The following SMYD4 variants were observed in gnomAD, a reference collection of about 807,000 sequenced individuals.
SMYD4 encodes the protein protein-lysine N-methyltransferase SMYD4.
In SMYD4, 68 loss-of-function variants were observed where a neutral mutation model predicts 72.8. That is an observed-to-expected ratio of 0.93 (90% CI 0.77 to 1.14). The LOEUF (loss-of-function observed/expected upper bound fraction) is 1.14. Among genes scored for constraint, SMYD4 ranks in the 50% most tolerant of loss-of-function variants. The pLI, the probability that SMYD4 is intolerant of heterozygous loss-of-function variation, is 0.00. For synonymous variants in SMYD4, 407 were observed against 388.6 expected, an observed-to-expected ratio of 1.05 and a Z score of -0.56; for missense variants, 984 against 1,003.7, an observed-to-expected ratio of 0.98 and a Z score of 0.27.
intron 3 of SMYD4, among the ~76,000 whole-genome samples, chr17:1,806,829 A>G (rs1910057653): frequency 1.3e-5 from 2 of 152,200 alleles, no homozygotes; most frequent in South Asian, 4.1e-4. Flanking sequence ...TCTTCTAGGA[A>G]TTAATCCTAC....
At chr17:1,826,491 C>CAAAAAAAAAAAAAAAAAAAAAAAAAAA (rs111636314) in intron 2 of SMYD4, among the ~76,000 whole-genome samples, 1 of 103,118 alleles carries the variant, frequency 9.7e-6, no homozygotes, top group African/African-American at 3.2e-5. Flanking sequence ...AAACTCTGTC[C>CAAAAAAAAAAAAAAAAAAAAAAAAAAA]AAAAAAAAAA....
intron 2 of SMYD4, among the ~76,000 whole-genome samples, chr17:1,815,009 C>T (rs1301026853): frequency 1.3e-5 from 2 of 151,826 alleles, no homozygotes; most frequent in African/African-American, 2.4e-5. Context: ...TTGTGGTAAA[C>T]AGTAATAATA....
At chr17:1,806,099 T>C (rs992832121) in intron 3 of SMYD4, among the ~76,000 whole-genome samples, 12 of 151,838 alleles carry the variant, frequency 7.9e-5, no homozygotes, top group African/African-American at 2.9e-4. Context: ...CAATTTTTTG[T>C]ATTTTTTAGT....
chr17:1,827,325 C>T (rs1386975706), intron 2 of SMYD4, among the ~76,000 whole-genome samples: 2 of 145,208 alleles, frequency 1.4e-5, no homozygotes, highest in Admixed American at 7.1e-5. Flanking sequence ...GGTGACAGAG[C>T]GAGACAGTCT....
rs1567771007 is a variant in SMYD4, at chr17:1,794,085, A to ATATATATATGCGTATATATATGTG, written c.1537+5771_1537+5772insCACATATATATACGCATATATATA. On this transcript the variant is annotated intron_variant, in intron 5 of 10. Coordinates refer to ENST00000305513, the MANE Select transcript of SMYD4 (RefSeq NM_052928.3). ...TATATATGTGTATATATATGTGTAT[A>ATATATATATGCGTATATATATGTG]TATATATATATATATATATATTTTT... is the stretch of plus-strand genomic sequence containing the variant. 5.5e-4 allele frequency among the ~76,000 whole-genome samples: 11 copies of ATATATATATGCGTATATATATGTG among 20,042 alleles called. 1 individual carries two copies. Among genetic ancestry groups the ATATATATATGCGTATATATATGTG allele is most frequent in the African/African-American group, 2.4e-3 (11 of 4,534 alleles). The allele number at this position is 20,042 out of a possible 152,430, so 13.1% of individuals were successfully genotyped here. A position where few individuals can be genotyped will look rare whatever the true frequency, so the allele number is the denominator to read the frequency against.
chr17:1,828,886 C>T (rs1450138928), intron 1 of SMYD4, among the ~76,000 whole-genome samples: 1 of 152,066 alleles, frequency 6.6e-6, no homozygotes, highest in East Asian at 1.9e-4. Context: ...CGTGAGCCAC[C>T]GCGCCCGGCC....
chr17:1,793,208 T>C (rs1909156646), intron 5 of SMYD4, among the ~76,000 whole-genome samples: 1 of 152,132 alleles, frequency 6.6e-6, no homozygotes, highest in Non-Finnish European at 1.5e-5. Flanking sequence ...TGAGCCACTG[T>C]GCCTGGCCGC....
At chr17:1,782,519 T>C (rs1362093756) in intron 10 of SMYD4, 1 of 150,182 alleles carries the variant, frequency 6.7e-6, no homozygotes, top group Non-Finnish European at 1.5e-5. Context: ...TGCCACATGT[T>C]GTCTGGGGGT....
At chr17:1,813,856 A>T (rs1910454211) in intron 2 of SMYD4, among the ~76,000 whole-genome samples, 1 of 138,788 alleles carries the variant, frequency 7.2e-6, no homozygotes, top group South Asian at 2.1e-4. Context: ...AACAAAAAAT[A>T]TACCTATTTT....
At chr17:1,795,747 G>GTA (rs1555575986) in intron 5 of SMYD4, among the ~76,000 whole-genome samples, 2 of 128,466 alleles carry the variant, frequency 1.6e-5, no homozygotes, top group Admixed American at 7.9e-5. Flanking sequence ...TGGCCCGTGA[G>GTA]TTTTTTTTTT....
At position 1,809,128 on chromosome 17, in the gene SMYD4, C is replaced by T. The variant is rs112730755; in HGVS notation, c.279+2843G>A. On this transcript the variant is annotated intron_variant, in intron 3 of 10. Coordinates refer to ENST00000305513, the MANE Select transcript of SMYD4 (RefSeq NM_052928.3). ...CTGGGCTCAGGCAATCCTCCCGCCTCGGTCTCCCAAAGTGTTGGAATTACA... is the reference window on the plus strand; with the variant it reads ...CTGGGCTCAGGCAATCCTCCCGCCTTGGTCTCCCAAAGTGTTGGAATTACA... Among the ~76,000 whole-genome samples the T allele has an allele frequency of 6.8e-3, 1,040 of 152,244 alleles. 7 individuals are homozygous for T. The highest frequency in any genetic ancestry group is 0.024 in the African/African-American group (989 of 41,556).
intron 2 of SMYD4, among the ~76,000 whole-genome samples, chr17:1,821,236 C>T (rs887790528): frequency 3.3e-5 from 5 of 152,104 alleles, no homozygotes; most frequent in Non-Finnish European, 5.9e-5. Context: ...AAGTATAGGC[C>T]GGGCAAGGGG....
chr17:1,809,464 T>A (rs1486302527), intron 3 of SMYD4, among the ~76,000 whole-genome samples: 1 of 150,772 alleles, frequency 6.6e-6, no homozygotes, highest in Non-Finnish European at 1.5e-5. Context: ...AACCTCTGCC[T>A]CCCGGGTTCA....
At chr17:1,826,026 GGGTAAAAAAGA>G (rs1911150879) in intron 2 of SMYD4, among the ~76,000 whole-genome samples, 1 of 151,962 alleles carries the variant, frequency 6.6e-6, no homozygotes, top group South Asian at 2.1e-4. Flanking sequence ...ATTGTAAATA[GGGTAAAAAAGA>G]TAAACAGATT....
chr17:1,816,581 C>T (rs149834119), intron 2 of SMYD4, among the ~76,000 whole-genome samples: 1,679 of 150,356 alleles, frequency 0.011, 34 homozygotes, highest in African/African-American at 0.038. Flanking sequence ...GAGCACACCA[C>T]GGCACTCCAC....
At chr17:1,805,847 T>C (rs1910002812) in intron 3 of SMYD4, among the ~76,000 whole-genome samples, 1 of 149,884 alleles carries the variant, frequency 6.7e-6, no homozygotes, top group Non-Finnish European at 1.5e-5. Flanking sequence ...ATAATATATA[T>C]ATATATGTAT....
intron 5 of SMYD4, among the ~76,000 whole-genome samples, chr17:1,789,588 C>T (rs1259124689): frequency 6.6e-6 from 1 of 151,712 alleles, no homozygotes. Flanking sequence ...ACATGGTGAA[C>T]CCTCGTCTCT....
rs541398855 is a variant in SMYD4, at chr17:1,781,104, A to T, written c.*182T>A. On this transcript the variant is annotated 3_prime_UTR_variant, in exon 11 of 11. Coordinates refer to ENST00000305513, the MANE Select transcript of SMYD4 (RefSeq NM_052928.3). The stretch of plus-strand genomic sequence containing the variant: ...CTGGCTAGTTTTTTGTATTTTTAGT[A>T]AAGATGGGGTTTCACCATGTTGGCC... The T allele has an allele frequency of 2.5e-5, 16 of 631,302 alleles. No individual in the cohort carries two copies. The highest frequency in any genetic ancestry group is 3.7e-5 in the Non-Finnish European group (15 of 405,008). The allele number at this position is 631,302 out of a possible 1,614,324, so 39.1% of individuals were successfully genotyped here. A position where few individuals can be genotyped will look rare whatever the true frequency, so the allele number is the denominator to read the frequency against.
intron 10 of SMYD4, chr17:1,781,969 G>A (rs1284293703): frequency 6.5e-6 from 1 of 153,232 alleles, no homozygotes; most frequent in African/African-American, 2.4e-5. Flanking sequence ...TCTGTGTCTT[G>A]GGTACCAGGC....
Sources: allele counts gnomAD v4.1 joint callset (sites outside exome capture counted in the v4.1 genomes callset), GRCh38; gene constraint gnomAD v4.1.1; transcripts MANE v1.5; gene names NCBI Gene and HGNC (gene_info 2026-07-23, HGNC 2026-07-21).